ANO10: variants seen among roughly 807,000 people sequenced by gnomAD.
ANO10 encodes the protein anoctamin-10.
Under a neutral mutation model 74.7 loss-of-function variants are expected in ANO10, and 77 were observed. That is an observed-to-expected ratio of 1.03 (90% CI 0.86 to 1.25). The LOEUF is 1.25. Among genes scored for constraint, ANO10 ranks in the 50% most tolerant of loss-of-function variants. ANO10 has a pLI of 0.00. For synonymous variants in ANO10, 279 were observed against 284.9 expected, an observed-to-expected ratio of 0.98 and a Z score of 0.21; for missense variants, 721 against 778.1, an observed-to-expected ratio of 0.93 and a Z score of 0.87.
At chr3:43,461,084 C>CTTT (rs1559568405) in intron 11 of ANO10, among the ~76,000 whole-genome samples, 3 of 147,944 alleles carry the variant, frequency 2.0e-5, no homozygotes, top group Non-Finnish European at 3.0e-5. Flanking sequence ...TCAATAAGAA[C>CTTT]AAACGTTTTT....
At chr3:43,624,455 C>G (rs990249102), upstream of ANO10, among the ~76,000 whole-genome samples, 1 of 152,132 alleles carries the variant, frequency 6.6e-6, no homozygotes, top group Non-Finnish European at 1.5e-5. Context: ...GTGCTGTCCT[C>G]GAAATAGTGA....
At chr3:43,637,823 T>C (rs1245833530) in intron 1 of ANO10, 1 of 152,152 alleles carries the variant, frequency 6.6e-6, no homozygotes, top group Admixed American at 6.6e-5. Flanking sequence ...GTAACCATTG[T>C]TGGAGGATAA....
intron 11 of ANO10, among the ~76,000 whole-genome samples, chr3:43,529,455 G>A (rs1428651168): frequency 1.3e-5 from 2 of 152,164 alleles, no homozygotes; most frequent in African/African-American, 4.8e-5. Context: ...CTGCCCAAGA[G>A]GTCCAGGTGA....
intron 11 of ANO10, among the ~76,000 whole-genome samples, chr3:43,514,276 G>A (rs1280911126): frequency 6.6e-6 from 1 of 151,912 alleles, no homozygotes; most frequent in Non-Finnish European, 1.5e-5. Context: ...ACACAAATAG[G>A]TTCAAAGTAA....
At position 43,419,030 on chromosome 3, in the gene ANO10, C is replaced by T. The variant is rs183324334; in HGVS notation, c.1914+13581G>A. Reference sequence around the variant, plus strand: ...TCTGGCCCTTTACAGAAAAAGTTTGCCAACTCCTAGCCCAGAGAATCTGTT... The same window carrying T: ...TCTGGCCCTTTACAGAAAAAGTTTGTCAACTCCTAGCCCAGAGAATCTGTT... On this transcript the variant is annotated intron_variant, in intron 12 of 12. Transcript: ENST00000292246. Among the ~76,000 whole-genome samples, 16 of 152,326 alleles carry T rather than the reference C, an allele frequency of 1.1e-4. No individual in the cohort carries two copies. The East Asian group carries it at 3.1e-3, about 29-fold the overall frequency.
At chr3:43,680,551 G>T (rs1360022290) in intron 1 of ANO10, among the ~76,000 whole-genome samples, 1 of 152,164 alleles carries the variant, frequency 6.6e-6, no homozygotes, top group African/African-American at 2.4e-5. Flanking sequence ...AGCAAGGCAG[G>T]CCAATATTCA....
At chr3:43,380,525 T>G (rs549534074) in intron 12 of ANO10, among the ~76,000 whole-genome samples, 1 of 152,284 alleles carries the variant, frequency 6.6e-6, no homozygotes, top group African/African-American at 2.4e-5. Flanking sequence ...CTAGAAGGGA[T>G]TGGGGTCCTA....
At chr3:43,690,329 A>C (rs1003681966) in intron 1 of ANO10, 1 of 152,468 alleles carries the variant, frequency 6.6e-6, no homozygotes, top group Non-Finnish European at 1.5e-5. Context: ...TGCTGGGATT[A>C]CAGGCCTGAG....
chr3:43,671,669 A>T (rs1387618118), intron 1 of ANO10, among the ~76,000 whole-genome samples: 2 of 152,186 alleles, frequency 1.3e-5, no homozygotes, highest in Non-Finnish European at 1.5e-5. Context: ...CCTTTCCACC[A>T]AGAAAAGAAC....
At chr3:43,690,772 G>T in intron 1 of ANO10, 5 of 434,886 alleles carry the variant, frequency 1.1e-5, no homozygotes, top group Non-Finnish European at 1.6e-5. Context: ...CGGGAGCGTC[G>T]GGCGGGAGAA....
At chr3:43,552,154 G>A (rs2079493051) in intron 10 of ANO10, among the ~76,000 whole-genome samples, 1 of 152,132 alleles carries the variant, frequency 6.6e-6, no homozygotes, top group Non-Finnish European at 1.5e-5. Flanking sequence ...TTCTACTTGT[G>A]TCATCTTTTA....
chr3:43,540,838 G>A (rs1285328937), intron 11 of ANO10, among the ~76,000 whole-genome samples: 1 of 152,170 alleles, frequency 6.6e-6, no homozygotes, highest in Non-Finnish European at 1.5e-5. Context: ...TTCTGTCTGT[G>A]AGCATTCCTG....
chr3:43,385,204 A>G (rs2125704520), intron 12 of ANO10, among the ~76,000 whole-genome samples: 1 of 152,372 alleles, frequency 6.6e-6, no homozygotes, highest in East Asian at 1.9e-4. Context: ...AATGCAAACC[A>G]AAACCACAAT....
chr3:43,578,183 T>C (rs2081100227), intron 5 of ANO10, among the ~76,000 whole-genome samples: 1 of 152,146 alleles, frequency 6.6e-6, no homozygotes, highest in African/African-American at 2.4e-5. Flanking sequence ...CCTTAATTCT[T>C]CCCCCTAACC....
chr3:43,653,927 G>GT (rs5848668), intron 1 of ANO10, among the ~76,000 whole-genome samples: 70,562 of 144,936 alleles, frequency 0.49, 17,489 homozygotes, highest in East Asian at 0.72. Context: ...GTTTGCTGGG[G>GT]TTTTTTTTTT....
At chr3:43,428,952 G>C (rs913758981) in intron 12 of ANO10, among the ~76,000 whole-genome samples, 2 of 151,962 alleles carry the variant, frequency 1.3e-5, no homozygotes, top group South Asian at 2.1e-4. Flanking sequence ...TTTGGATAAA[G>C]GATACTCAAC....
rs191983971 is a variant in ANO10, at chr3:43,557,166, C to T, written c.1477-1697G>A. 6.7e-5 allele frequency among the ~76,000 whole-genome samples: 10 copies of T among 150,168 alleles called. No individual in the cohort carries two copies. In the East Asian group the frequency reaches 2.0e-3, roughly 29 times the overall value. On this transcript the variant is annotated intron_variant, in intron 9 of 12. Transcript: ENST00000292246. ...TTATAAAATGAAGGAAAAAAAAAAA[C>T]ACTGTGCAATCTGCCTTTTACCAAG...
chr3:43,372,207 A>G (rs1011552889), intron 12 of ANO10, among the ~76,000 whole-genome samples: 2 of 151,998 alleles, frequency 1.3e-5, no homozygotes, highest in African/African-American at 4.8e-5. Flanking sequence ...ACCACCAGCC[A>G]GCATCTCAGA....
chr3:43,541,752 C>A (rs150751014), intron 11 of ANO10, among the ~76,000 whole-genome samples: 1 of 152,318 alleles, frequency 6.6e-6, no homozygotes, highest in Non-Finnish European at 1.5e-5. Context: ...GAGGCTTCAT[C>A]ATATGCTGTC....
Sources: allele counts gnomAD v4.1 joint callset (sites outside exome capture counted in the v4.1 genomes callset), GRCh38; gene constraint gnomAD v4.1.1; transcripts MANE v1.5; gene names NCBI Gene and HGNC (gene_info 2026-07-23, HGNC 2026-07-21).